The following C5 variants were observed in gnomAD, a reference collection of about 807,000 sequenced individuals.
C5 encodes C3 and PZP-like alpha-2-macroglobulin domain-containing protein 4.
Under a neutral mutation model 218.8 loss-of-function variants are expected in C5, and 140 were observed. The observed-to-expected ratio is 0.64, with a 90% confidence interval of 0.56 to 0.74. The LOEUF (loss-of-function observed/expected upper bound fraction) is 0.74, where lower values mean the gene tolerates loss of function less well. Ranked by LOEUF, C5 falls within the 30% of genes least tolerant of loss-of-function variation. C5 has a pLI of 0.00. For missense variants in C5, 1,700 were observed against 1,969.6 expected (o/e 0.86, Z 2.59); for synonymous variants, 614 against 682.3 (o/e 0.90, Z 1.56).
Position 121,037,890 on chromosome 9 carries a change from T to C in C5, c.483A>G (p.Leu161=), listed in dbSNP as rs1380949550. 1 of 1,473,800 alleles carries C rather than the reference T, an allele frequency of 6.8e-7. No individual in the cohort carries two copies. The highest frequency in any genetic ancestry group is 9.4e-7 in the Non-Finnish European group (1 of 1,069,022). 91.3% of individuals were successfully genotyped at this position (1,473,800 alleles called of 1,614,324 possible). The change falls in exon 4 of 41, where the codon TTA becomes TTG. Residue 161 remains leucine, a synonymous_variant. Transcript: ENST00000223642. ...TAAATAAAATACTTACTATGAAAGT[T>C]AAGACAGTTTCTCTTTTGGCTGGCT... ...DLKPAKRETV[L]TFIDPEGSEV...
chr9:120,975,486 G>A (rs1366571916), intron 29 of C5, among the ~76,000 whole-genome samples: 1 of 152,172 alleles, frequency 6.6e-6, no homozygotes, highest in African/African-American at 2.4e-5. Flanking sequence ...TCATGTGTTG[G>A]AAAGCTTGGT....
the C5 span, among the ~76,000 whole-genome samples, chr9:121,067,347 G>A: frequency 6.6e-6 from 1 of 151,904 alleles, no homozygotes; most frequent in Non-Finnish European, 1.5e-5. Context: ...CGGATCATGA[G>A]GTCAAGAGAT....
At chr9:121,066,237 G>A in the C5 span, among the ~76,000 whole-genome samples, 1 of 149,376 alleles carries the variant, frequency 6.7e-6, no homozygotes, top group Non-Finnish European at 1.5e-5. Context: ...ACTTGAACCC[G>A]GGAGGCAGAG....
chr9:120,976,357 AC>A (rs1297235931), intron 29 of C5, among the ~76,000 whole-genome samples: 12 of 152,184 alleles, frequency 7.9e-5, no homozygotes, highest in Non-Finnish European at 1.8e-4. Context: ...CTACATGGCA[AC>A]CACTATTTAT....
chr9:121,073,947 ACT>A, the C5 span, among the ~76,000 whole-genome samples: 1 of 152,164 alleles, frequency 6.6e-6, no homozygotes, highest in South Asian at 2.1e-4. Flanking sequence ...TGGCCTATAA[ACT>A]CTGTAGTGAA....
intron 5 of C5, among the ~76,000 whole-genome samples, chr9:121,033,958 T>G (rs2047500893): frequency 6.6e-6 from 1 of 151,616 alleles, no homozygotes; most frequent in South Asian, 2.1e-4. Flanking sequence ...TTTGCTCCTG[T>G]TGCCCAACAT....
At chr9:121,003,063 T>A (rs569125362) in intron 20 of C5, among the ~76,000 whole-genome samples, 65 of 152,184 alleles carry the variant, frequency 4.3e-4, no homozygotes, top group African/African-American at 1.6e-3. Flanking sequence ...GAGGCCAAGG[T>A]GGGCAGATCA....
At chr9:120,960,884 T>A (rs1379507520) in intron 37 of C5, among the ~76,000 whole-genome samples, 4 of 152,188 alleles carry the variant, frequency 2.6e-5, no homozygotes, top group Non-Finnish European at 5.9e-5. Flanking sequence ...TTGAGTATAA[T>A]CAGAAGTCCT....
intron 28 of C5, among the ~76,000 whole-genome samples, chr9:120,977,282 C>T (rs41311933): frequency 0.065 from 9,849 of 152,130 alleles, 379 homozygotes; most frequent in Non-Finnish European, 0.091. Flanking sequence ...TACTTTCAAG[C>T]TGTGTGTAAA....
chr9:120,954,820 A>G (rs2046773215), intron 39 of C5, among the ~76,000 whole-genome samples: 1 of 152,238 alleles, frequency 6.6e-6, no homozygotes, highest in Non-Finnish European at 1.5e-5. Flanking sequence ...TTCAGTGTAC[A>G]CCCATTAGTT....
chr9:120,990,159 T>C (rs1277365154), intron 23 of C5, among the ~76,000 whole-genome samples: 1 of 152,224 alleles, frequency 6.6e-6, no homozygotes, highest in Non-Finnish European at 1.5e-5. Flanking sequence ...TGACTGTCTA[T>C]AATTCACTGT....
intron 25 of C5, among the ~76,000 whole-genome samples, chr9:120,983,456 C>T (rs1469674492): frequency 6.6e-6 from 1 of 152,224 alleles, no homozygotes; most frequent in Non-Finnish European, 1.5e-5. Context: ...CTCCACTCCC[C>T]AGGTCCTCAA....
chr9:120,974,716 T>C (rs1022680315), intron 30 of C5, 63 bp downstream of exon 30: 11 of 1,378,526 alleles, frequency 8.0e-6, no homozygotes, highest in Non-Finnish European at 1.1e-5. Context: ...AAATAAAGAG[T>C]GGAACAGATG....
chr9:120,999,360 G>T (rs1425165661), intron 20 of C5, among the ~76,000 whole-genome samples: 1 of 152,156 alleles, frequency 6.6e-6, no homozygotes, highest in Non-Finnish European at 1.5e-5. Context: ...GCTTTACCCT[G>T]AGGGCAGGTC....
At chr9:120,983,289 T>C (rs2047008638) in intron 25 of C5, among the ~76,000 whole-genome samples, 1 of 152,184 alleles carries the variant, frequency 6.6e-6, no homozygotes. Context: ...GTGCTGCCAT[T>C]GACACAGAAC....
At chr9:121,048,744 C>G (rs1426129912) in intron 1 of C5, among the ~76,000 whole-genome samples, 2 of 65,084 alleles carry the variant, frequency 3.1e-5, no homozygotes, top group Non-Finnish European at 5.8e-5. Flanking sequence ...CTTTGTCTTT[C>G]AATTGCTGCA....
chr9:121,020,263 T>C, intron 11 of C5, 84 bp from the exon 12 acceptor site: 1 of 1,104,962 alleles, frequency 9.1e-7, no homozygotes, highest in Non-Finnish European at 1.4e-6. Flanking sequence ...TTTTCCTTGC[T>C]TTATAAATTT....
At chr9:121,071,106 G>C in the C5 span, among the ~76,000 whole-genome samples, 1 of 151,924 alleles carries the variant, frequency 6.6e-6, no homozygotes, top group Non-Finnish European at 1.5e-5. Context: ...GCCAGGAGTT[G>C]AAGACCAGCC....
At position 120,991,297 on chromosome 9, in the gene C5, T is replaced by C. The variant is rs7854004; in HGVS notation, c.2852-17A>G. 8,141 of 1,482,164 alleles carry C rather than the reference T, an allele frequency of 5.5e-3. 413 individuals carry two copies. In the African/African-American group the frequency reaches 0.1, roughly 18 times the overall value. 91.8% of individuals were successfully genotyped at this position (1,482,164 alleles called of 1,614,324 possible). A position where few individuals can be genotyped will look rare whatever the true frequency, so the allele number is the denominator to read the frequency against. ...TAATGGTACCTGTAATTTAGAAAAT[T>C]TGGATTTATACAGAGTTTCCAGGGG... On this transcript the variant is annotated splice_polypyrimidine_tract_variant and intron_variant, in intron 22 of 40. Transcript: ENST00000223642.
Sources: gnomAD v4.1 joint callset for allele counts (sites outside exome capture counted in the v4.1 genomes callset) on GRCh38, gnomAD v4.1.1 for gene constraint, MANE v1.5 for transcripts, NCBI Gene and HGNC (gene_info 2026-07-23, HGNC 2026-07-21) for gene names.